TSPAN8: variants seen among roughly 807,000 people sequenced by gnomAD.
TSPAN8 encodes tetraspanin-8.
In TSPAN8, 21 loss-of-function variants were observed where a neutral mutation model predicts 32.8. The observed-to-expected ratio is 0.64, with a 90% CI of 0.45 to 0.92. TSPAN8 has a LOEUF of 0.92. Ranked by LOEUF, TSPAN8 falls within the 40% of genes least tolerant of loss-of-function variation. The pLI is 0.00. For missense variants in TSPAN8, 269 were observed against 281.9 expected, an observed-to-expected ratio of 0.95 and a Z score of 0.33; for synonymous variants, 95 against 94.6, an observed-to-expected ratio of 1.00 and a Z score of -0.03.
chr12:71,132,764 G>T lies in TSPAN8; in HGVS notation c.505C>A (p.Pro169Thr). 1 of 1,613,946 alleles carries T rather than the reference G, an allele frequency of 6.2e-7. No individual in the cohort carries two copies. The highest frequency in any genetic ancestry group is 8.5e-7 in the Non-Finnish European group (1 of 1,179,968). Residue 169 changes from proline to threonine, a missense_variant, in exon 7 of 9, where the codon CCT becomes ACT. Coordinates refer to ENST00000247829, the MANE Select transcript of TSPAN8 (RefSeq NM_004616.3). The part of the protein sequence containing the change: ...ADWGNNFQHY[P>T]ELCACLDKQR... ...TTATCTAGACAGGCACATAATTCAG[G>T]ATAGTGTTGAAAATTATTTCCCCAA...
At chr12:71,133,712 C>A (rs904138502) in intron 6 of TSPAN8, among the ~76,000 whole-genome samples, 5 of 152,072 alleles carry the variant, frequency 3.3e-5, no homozygotes, top group African/African-American at 4.8e-5. Flanking sequence ...CCAGAATAAA[C>A]TGATCCATGG....
At chr12:71,151,124 C>T (rs976900176) in intron 2 of TSPAN8, among the ~76,000 whole-genome samples, 4 of 149,856 alleles carry the variant, frequency 2.7e-5, no homozygotes, top group African/African-American at 4.9e-5. Context: ...AGTGCAGTGG[C>T]GCGATCTTGG....
At chr12:71,146,406 T>C (rs1872081010) in intron 2 of TSPAN8, among the ~76,000 whole-genome samples, 1 of 152,186 alleles carries the variant, frequency 6.6e-6, no homozygotes, top group African/African-American at 2.4e-5. Context: ...CTATCAAGAA[T>C]GACCATCCTA....
At chr12:71,151,964 T>C (rs1197129785) in intron 2 of TSPAN8, among the ~76,000 whole-genome samples, 1 of 152,238 alleles carries the variant, frequency 6.6e-6, no homozygotes, top group Non-Finnish European at 1.5e-5. Flanking sequence ...ATATTTACCA[T>C]TTGAAAGCCC....
intron 3 of TSPAN8, among the ~76,000 whole-genome samples, chr12:71,141,083 T>C (rs185159865): frequency 1.9e-3 from 290 of 152,368 alleles, no homozygotes; most frequent in Admixed American, 3.5e-3. Flanking sequence ...CAAACATCTA[T>C]ATTTTGTCAG....
chr12:71,144,144 T>G lies in TSPAN8; in HGVS notation c.123+7A>C. 1.2e-6 allele frequency: 2 copies of G among 1,609,956 alleles called. No homozygotes were observed. The highest frequency in any genetic ancestry group is 1.7e-6 in the Non-Finnish European group (2 of 1,177,974). On this transcript the variant is annotated splice_region_variant and intron_variant, in intron 3 of 8. Transcript: ENST00000247829. ...GGGGAAAGGGTGACTTGTTTTTGCATACTTACTGCTTGAGAGTCATTGCTT... is the reference window on the plus strand; with the variant it reads ...GGGGAAAGGGTGACTTGTTTTTGCAGACTTACTGCTTGAGAGTCATTGCTT...
chr12:71,157,850 A>T lies in TSPAN8; in HGVS notation c.-109-63T>A, dbSNP rs1290585465. 21 of 576,592 alleles carry T rather than the reference A, an allele frequency of 3.6e-5. 1 individual carries two copies. The highest frequency in any genetic ancestry group is 3.4e-4 in the South Asian group (14 of 41,724). The allele number at this position is 576,592 out of a possible 1,614,324, so 35.7% of individuals were successfully genotyped here. Reference sequence around the variant, plus strand: ...GGAATAAAAAGTTATTAAACTGGATAAAAAAATTAACCCACACATTTAAAT... The same window carrying T: ...GGAATAAAAAGTTATTAAACTGGATTAAAAAATTAACCCACACATTTAAAT... On this transcript the variant is annotated intron_variant, in intron 1 of 8. Transcript: ENST00000247829.
intron 8 of TSPAN8, 100 bp downstream of exon 8, chr12:71,129,230 TG>T: frequency 1.6e-6 from 2 of 1,237,758 alleles, no homozygotes; most frequent in Non-Finnish European, 1.1e-6. Context: ...ATGGTTGTTG[TG>T]GTTTTTTTTT....
At chr12:71,150,732 A>G (rs1190303785) in intron 2 of TSPAN8, among the ~76,000 whole-genome samples, 1 of 152,078 alleles carries the variant, frequency 6.6e-6, no homozygotes, top group African/African-American at 2.4e-5. Flanking sequence ...CTCCCATGGG[A>G]CCCAGTGGGA....
intron 2 of TSPAN8, among the ~76,000 whole-genome samples, chr12:71,153,278 C>T (rs941776550): frequency 2.0e-5 from 3 of 152,190 alleles, no homozygotes; most frequent in South Asian, 2.1e-4. Context: ...AAATAGGTTT[C>T]GTACCTATAA....
chr12:71,125,479 A>T, intron 8 of TSPAN8, 92 bp from the exon 9 acceptor site: 1 of 1,067,398 alleles, frequency 9.4e-7, no homozygotes, highest in South Asian at 1.6e-5. Flanking sequence ...ATATGAAAAG[A>T]TTTTGTATAT....
At chr12:71,133,406 CAA>C (rs1046881255) in intron 6 of TSPAN8, among the ~76,000 whole-genome samples, 3 of 152,158 alleles carry the variant, frequency 2.0e-5, no homozygotes, top group African/African-American at 7.2e-5. Context: ...TTTTTAATGA[CAA>C]AAGAGAGTCA....
chr12:71,141,779 G>T (rs1871909870), intron 3 of TSPAN8, among the ~76,000 whole-genome samples: 2 of 152,216 alleles, frequency 1.3e-5, no homozygotes, highest in South Asian at 2.1e-4. Context: ...GAACAGCAGG[G>T]TTTGAAAAGC....
intron 2 of TSPAN8, among the ~76,000 whole-genome samples, chr12:71,150,689 G>T (rs1284913906): frequency 6.6e-6 from 1 of 152,138 alleles, no homozygotes; most frequent in Non-Finnish European, 1.5e-5. Context: ...TGGTTTAGCT[G>T]TGTCCTCACC....
intron 6 of TSPAN8, among the ~76,000 whole-genome samples, chr12:71,137,118 A>G (rs995806584): frequency 1.3e-5 from 2 of 151,876 alleles, no homozygotes; most frequent in Admixed American, 6.6e-5. Flanking sequence ...CAAAAATGAT[A>G]ATTTTTTAAA....
chr12:71,140,783 G>A (rs201526930), intron 3 of TSPAN8, among the ~76,000 whole-genome samples: 5 of 152,110 alleles, frequency 3.3e-5, no homozygotes, highest in African/African-American at 9.7e-5. Flanking sequence ...AGCCTTGTGC[G>A]TGTCTTATGC....
Position 71,157,979 on chromosome 12 carries a change from T to C in TSPAN8, c.-159A>G, listed in dbSNP as rs1010430426. 5.8e-6 allele frequency: 2 copies of C among 343,662 alleles called. No homozygotes were observed. The highest frequency in any genetic ancestry group is 8.4e-5 in the Admixed American group (2 of 23,732). The allele number at this position is 343,662 out of a possible 1,614,324, so 21.3% of individuals were successfully genotyped here. A position where few individuals can be genotyped will look rare whatever the true frequency, so the allele number is the denominator to read the frequency against. Reference sequence around the variant, plus strand: ...CTCCAGGCAAGTATGTTCCTTTGCTTGTCATAGCTCCTGGGGCACTGGGCC... The same window carrying C: ...CTCCAGGCAAGTATGTTCCTTTGCTCGTCATAGCTCCTGGGGCACTGGGCC... On this transcript the variant is annotated 5_prime_UTR_variant, in exon 1 of 9. Coordinates refer to ENST00000247829, the MANE Select transcript of TSPAN8 (RefSeq NM_004616.3).
intron 3 of TSPAN8, 134 bp downstream of exon 3, chr12:71,144,017 C>A: frequency 1.5e-6 from 1 of 685,936 alleles, no homozygotes; most frequent in Non-Finnish European, 2.4e-6. Context: ...AATCACATAA[C>A]AGCACAAGTG....
chr12:71,132,959 TTC>T (rs1489459758), intron 6 of TSPAN8, 135 bp from the exon 7 acceptor site: 1 of 1,059,040 alleles, frequency 9.4e-7, no homozygotes, highest in Non-Finnish European at 1.3e-6. Flanking sequence ...CCTTTCACCT[TTC>T]TCTGTGTAGA....
Sources: gnomAD v4.1 joint callset for allele counts (sites outside exome capture counted in the v4.1 genomes callset) on GRCh38, gnomAD v4.1.1 for gene constraint, MANE v1.5 for transcripts, NCBI Gene and HGNC (gene_info 2026-07-23, HGNC 2026-07-21) for gene names.